Variants in EGFR observed in about 807,000 individuals in gnomAD.
EGFR encodes avian erythroblastic leukemia viral (v-erb-b) oncogene homolog.
A neutral mutation model predicts 143.0 loss-of-function variants in EGFR; 58 were observed. The ratio of observed to expected loss-of-function variants is 0.41; its 90% CI spans 0.33 to 0.50. The LOEUF (loss-of-function observed/expected upper bound fraction) is 0.50. Ranked by LOEUF, EGFR falls within the 20% of genes least tolerant of loss-of-function variation. The probability of loss-of-function intolerance (pLI) is 0.39; values close to 1 mark genes in which losing one functional copy is unlikely to be tolerated. For missense variants in EGFR, 1,307 were observed against 1,579.0 expected, an observed-to-expected ratio of 0.83 and a Z score of 2.92; for synonymous variants, 613 against 594.4, an observed-to-expected ratio of 1.03 and a Z score of -0.45.
chr7:55,089,648 C>CT (rs1324980349), intron 1 of EGFR, among the ~76,000 whole-genome samples: 1 of 152,196 alleles, frequency 6.6e-6, no homozygotes, highest in African/African-American at 2.4e-5. Flanking sequence ...CCATAAATCT[C>CT]TTATGTTACC....
chr7:55,049,836 C>A (rs1191213898), intron 1 of EGFR, among the ~76,000 whole-genome samples: 2 of 152,326 alleles, frequency 1.3e-5, no homozygotes, highest in East Asian at 3.9e-4. Flanking sequence ...AAATTGGTCC[C>A]TGATCTAGAC....
intron 8 of EGFR, 55 bp downstream of exon 8, chr7:55,156,001 C>A: frequency 4.0e-6 from 5 of 1,250,858 alleles, no homozygotes; most frequent in South Asian, 1.2e-5. Flanking sequence ...TGAGGCTGGG[C>A]TCTCATGCCA....
chr7:55,171,215 T>G lies in EGFR; in HGVS notation c.1919+2T>G, dbSNP rs1166325650. On this transcript the variant is annotated splice_donor_variant, in intron 16 of 27. Coordinates refer to ENST00000275493, the MANE Select transcript of EGFR (RefSeq NM_005228.5). LOFTEE classifies it high-confidence loss of function. ...TCTTGAAGGCTGTCCAACGAATGGG[T>G]AAGTGTTCACAGCTCTGTGTCACAT... The G allele has an allele frequency of 1.9e-6, 3 of 1,614,176 alleles. No homozygotes were observed. The highest frequency in any genetic ancestry group is 1.7e-6 in the Non-Finnish European group (2 of 1,180,022).
At chr7:55,037,981 C>T (rs904780201) in intron 1 of EGFR, among the ~76,000 whole-genome samples, 1 of 152,130 alleles carries the variant, frequency 6.6e-6, no homozygotes, top group African/African-American at 2.4e-5. Context: ...CTCTGCACTC[C>T]CGGTGTTCCG....
intron 1 of EGFR, among the ~76,000 whole-genome samples, chr7:55,093,502 G>A (rs561115084): frequency 1.0e-3 from 152 of 152,254 alleles, no homozygotes; most frequent in Non-Finnish European, 1.9e-3. Context: ...CTCGCCCCGC[G>A]TCTCAGTCCT....
intron 1 of EGFR, among the ~76,000 whole-genome samples, chr7:55,088,731 T>C (rs1371643871): frequency 6.6e-6 from 1 of 152,202 alleles, no homozygotes; most frequent in East Asian, 1.9e-4. Flanking sequence ...GACACTGTTT[T>C]CTTTCTGGAA....
chr7:55,081,169 A>C (rs1790441517), intron 1 of EGFR, among the ~76,000 whole-genome samples: 2 of 152,216 alleles, frequency 1.3e-5, no homozygotes, highest in African/African-American at 4.8e-5. Flanking sequence ...AAGCATTTTG[A>C]AACATACTTT....
chr7:55,117,576 G>A lies in EGFR; in HGVS notation c.89-24710G>A, dbSNP rs1269383020. Among the ~76,000 whole-genome samples the A allele has an allele frequency of 2.0e-5, 3 of 152,216 alleles. 1 individual carries two copies. In the East Asian group the frequency reaches 5.8e-4, roughly 29 times the overall value. On this transcript the variant is annotated intron_variant, in intron 1 of 27. Transcript: ENST00000275493. ...CTGGAATGATGGGAGAACTCCTCCA[G>A]GGAACATGGCCCTTTAATAGATCTC...
chr7:55,094,025 G>A (rs755239827), intron 1 of EGFR, among the ~76,000 whole-genome samples: 10 of 152,184 alleles, frequency 6.6e-5, no homozygotes, highest in East Asian at 1.9e-4. Context: ...ACAGTAGAGC[G>A]TGTGTAACGT....
At chr7:55,087,284 C>CAAA (rs55890622) in intron 1 of EGFR, among the ~76,000 whole-genome samples, 1 of 117,642 alleles carries the variant, frequency 8.5e-6, no homozygotes, top group East Asian at 2.5e-4. Context: ...AAAAAAAAAA[C>CAAA]AAAAAAAAAA....
intron 1 of EGFR, among the ~76,000 whole-genome samples, chr7:55,082,852 C>T (rs542018622): frequency 6.6e-6 from 1 of 152,356 alleles, no homozygotes; most frequent in South Asian, 2.1e-4. Flanking sequence ...GTCTCTCTCT[C>T]TGAAACCTGC....
chr7:55,177,006 G>A (rs1434085514), intron 19 of EGFR, among the ~76,000 whole-genome samples: 2 of 151,138 alleles, frequency 1.3e-5, no homozygotes, highest in African/African-American at 4.9e-5. Context: ...AGCTCAGTTT[G>A]GCCTCCTGCT....
At chr7:55,037,235 C>A (rs575430334) in intron 1 of EGFR, among the ~76,000 whole-genome samples, 1 of 152,298 alleles carries the variant, frequency 6.6e-6, no homozygotes, top group South Asian at 2.1e-4. Context: ...ACTCAATAGG[C>A]ATGTGTCAAA....
At chr7:55,117,302 T>G (rs1792917886) in intron 1 of EGFR, among the ~76,000 whole-genome samples, 1 of 152,228 alleles carries the variant, frequency 6.6e-6, no homozygotes, top group Non-Finnish European at 1.5e-5. Context: ...CGGTAAAAGT[T>G]TGTTGAATGC....
chr7:55,091,200 C>G lies in EGFR; in HGVS notation c.89-51086C>G, dbSNP rs544479023. Among the ~76,000 whole-genome samples the G allele has an allele frequency of 2.8e-4, 43 of 152,274 alleles. No homozygotes were observed. In the South Asian group the frequency reaches 8.9e-3, roughly 32 times the overall value. ...CAATTTCACGTTCTGAAAGAGGATGCCCTCAACTTTGCAAAATGGGCCTTT... is the reference window on the plus strand; with the variant it reads ...CAATTTCACGTTCTGAAAGAGGATGGCCTCAACTTTGCAAAATGGGCCTTT... On this transcript the variant is annotated intron_variant, in intron 1 of 27. Transcript: ENST00000275493.
rs190654414 is a variant in EGFR, at chr7:55,022,803, A to G, written c.88+3438A>G. 5.9e-5 allele frequency among the ~76,000 whole-genome samples: 9 copies of G among 152,310 alleles called. No homozygotes were observed. The South Asian group carries it at 1.5e-3, about 25-fold the overall frequency. Reference sequence around the variant, plus strand: ...GTTTCATAACTCATGATTTTTCAAAAACTTCTGGTTTGAAGACACCGATTG... The same window carrying G: ...GTTTCATAACTCATGATTTTTCAAAGACTTCTGGTTTGAAGACACCGATTG... On this transcript the variant is annotated intron_variant, in intron 1 of 27. Transcript: ENST00000275493.
chr7:55,101,220 G>A (rs1011778548), intron 1 of EGFR, among the ~76,000 whole-genome samples: 9 of 152,348 alleles, frequency 5.9e-5, no homozygotes, highest in Admixed American at 2.0e-4. Context: ...TTACGCTTGC[G>A]TCACTGGGCT....
At chr7:55,202,729 A>C in intron 27 of EGFR, 104 bp downstream of exon 27, 1 of 1,040,540 alleles carries the variant, frequency 9.6e-7, no homozygotes, top group Non-Finnish European at 1.5e-6. Context: ...CAGCATCTCC[A>C]GAGGGGGAAA....
At chr7:55,188,904 T>A (rs1787262084) in intron 20 of EGFR, 1 of 152,316 alleles carries the variant, frequency 6.6e-6, no homozygotes, top group Non-Finnish European at 1.5e-5. Context: ...CCCACGCCTT[T>A]GGTGAAGACC....
Sources: allele counts gnomAD v4.1 joint callset (sites outside exome capture counted in the v4.1 genomes callset), GRCh38; gene constraint gnomAD v4.1.1; transcripts MANE v1.5; gene names NCBI Gene and HGNC (gene_info 2026-07-23, HGNC 2026-07-21).